PTPRK: variants seen among roughly 807,000 people sequenced by gnomAD.
The protein encoded by PTPRK is receptor-type tyrosine-protein phosphatase kappa.
PTPRK carries 75 observed loss-of-function variants against 178.0 expected under a neutral mutation model. That is an observed-to-expected ratio of 0.42 (90% CI 0.35 to 0.51). PTPRK has a LOEUF of 0.51. PTPRK is among the 20% of genes least tolerant of loss of function. The pLI is 0.02. For synonymous variants in PTPRK, 637 were observed against 620.6 expected (o/e 1.03, Z -0.39); for missense variants, 1,441 against 1,797.8 (o/e 0.80, Z 3.59).
chr6:128,284,165 T>C (rs1822105013), intron 3 of PTPRK, among the ~76,000 whole-genome samples: 1 of 152,192 alleles, frequency 6.6e-6, no homozygotes, highest in Non-Finnish European at 1.5e-5. Context: ...TTTGGACTTC[T>C]GTAATTCACA....
At chr6:128,399,099 A>T (rs1840703632) in intron 1 of PTPRK, among the ~76,000 whole-genome samples, 1 of 152,204 alleles carries the variant, frequency 6.6e-6, no homozygotes, top group Admixed American at 6.5e-5. Context: ...GTATTTGTTC[A>T]GTTTCCATAG....
chr6:128,278,722 TAACTA>T (rs1821190141), intron 3 of PTPRK, among the ~76,000 whole-genome samples: 2 of 152,128 alleles, frequency 1.3e-5, no homozygotes, highest in Non-Finnish European at 1.5e-5. Context: ...ATAACATAAC[TAACTA>T]ATACTTCTCA....
intron 3 of PTPRK, among the ~76,000 whole-genome samples, chr6:128,273,668 G>A (rs1820257095): frequency 6.6e-6 from 1 of 152,166 alleles, no homozygotes; most frequent in African/African-American, 2.4e-5. Flanking sequence ...CCTGGGCCAA[G>A]AGTCCTTTCA....
At position 127,977,011 on chromosome 6, in the gene PTPRK, A is replaced by G; in HGVS notation, c.3755T>C (p.Leu1252Pro). 6.2e-7 allele frequency: 1 copy of G among 1,614,094 alleles called. No homozygotes were observed. Among genetic ancestry groups the G allele is most frequent in the Non-Finnish European group, 8.5e-7 (1 of 1,179,958 alleles). ...PAAFIVTQYP[L>P]PNTVKDFWRL... ...CCAGAAGTCTTTTACAGTGTTTGGC[A>G]GAGGGTATTGTGTGACGATGAAAGC... is the stretch of plus-strand genomic sequence containing the variant. Residue 1252 changes from leucine to proline, a missense_variant, in exon 26 of 30, where the codon CTG becomes CCG. Physicochemically the swap from Leu to Pro is moderately conservative, Grantham distance 98. Coordinates refer to ENST00000368226, the MANE Select transcript of PTPRK (RefSeq NM_002844.4).
At chr6:128,217,084 C>A (rs1385536370) in intron 6 of PTPRK, among the ~76,000 whole-genome samples, 2 of 152,128 alleles carry the variant, frequency 1.3e-5, no homozygotes, top group Non-Finnish European at 2.9e-5. Flanking sequence ...GTAGCCATAG[C>A]ATATTAATCA....
At chr6:128,264,861 T>C (rs1333766154) in intron 3 of PTPRK, among the ~76,000 whole-genome samples, 2 of 152,120 alleles carry the variant, frequency 1.3e-5, no homozygotes, top group Non-Finnish European at 2.9e-5. Context: ...TGAATAAATC[T>C]CACGAGATCT....
intron 7 of PTPRK, among the ~76,000 whole-genome samples, chr6:128,173,308 T>C (rs950863893): frequency 2.0e-5 from 3 of 152,044 alleles, no homozygotes; most frequent in Non-Finnish European, 4.4e-5. Flanking sequence ...TACCAGTTTC[T>C]GCCCTTGAGC....
chr6:128,298,463 A>T, intron 3 of PTPRK, among the ~76,000 whole-genome samples: 1 of 151,168 alleles, frequency 6.6e-6, no homozygotes, highest in Non-Finnish European at 1.5e-5. Context: ...TGATGCAAAA[A>T]TCCTCAATAA....
At chr6:128,243,988 G>A (rs902528831) in intron 3 of PTPRK, among the ~76,000 whole-genome samples, 4 of 152,040 alleles carry the variant, frequency 2.6e-5, no homozygotes, top group African/African-American at 9.7e-5. Flanking sequence ...AGAAGAAAAA[G>A]GAAAGATAAA....
chr6:128,316,677 A>G (rs1404846353), intron 3 of PTPRK, among the ~76,000 whole-genome samples: 1 of 151,426 alleles, frequency 6.6e-6, no homozygotes, highest in Admixed American at 6.6e-5. Flanking sequence ...CAGGAACCAG[A>G]GAGGTCACCT....
intron 15 of PTPRK, among the ~76,000 whole-genome samples, chr6:128,002,564 GTTAA>G (rs1376910458): frequency 5.3e-5 from 8 of 151,938 alleles, no homozygotes; most frequent in Non-Finnish European, 8.8e-5. Flanking sequence ...CTGTAAAAGC[GTTAA>G]TTGTCATTAG....
intron 2 of PTPRK, among the ~76,000 whole-genome samples, chr6:128,358,464 A>G (rs1442338790): frequency 6.6e-6 from 1 of 152,232 alleles, no homozygotes; most frequent in Non-Finnish European, 1.5e-5. Flanking sequence ...AACCACAGGG[A>G]AATTTTAATA....
intron 3 of PTPRK, among the ~76,000 whole-genome samples, chr6:128,303,701 G>A (rs924430025): frequency 6.6e-6 from 1 of 152,192 alleles, no homozygotes; most frequent in Non-Finnish European, 1.5e-5. Context: ...TGTTAAAGCT[G>A]TGGAATGAAG....
chr6:128,503,352 G>A (rs1452830908), intron 1 of PTPRK, among the ~76,000 whole-genome samples: 1 of 152,140 alleles, frequency 6.6e-6, no homozygotes, highest in Non-Finnish European at 1.5e-5. Flanking sequence ...TTTGCCAATT[G>A]ATGGCCTGAT....
At chr6:128,026,667 T>C (rs990642384) in intron 13 of PTPRK, among the ~76,000 whole-genome samples, 2 of 152,220 alleles carry the variant, frequency 1.3e-5, no homozygotes, top group Non-Finnish European at 2.9e-5. Flanking sequence ...ACATATTATA[T>C]ATTTGACAAG....
chr6:128,315,129 C>G (rs964148108), intron 3 of PTPRK, among the ~76,000 whole-genome samples: 2 of 152,002 alleles, frequency 1.3e-5, no homozygotes, highest in Non-Finnish European at 2.9e-5. Flanking sequence ...AGTTTACAAC[C>G]AAACCAAAAG....
At chr6:128,209,483 TG>T (rs1332853283) in intron 6 of PTPRK, among the ~76,000 whole-genome samples, 1 of 152,180 alleles carries the variant, frequency 6.6e-6, no homozygotes, top group Non-Finnish European at 1.5e-5. Flanking sequence ...AAGAGTCCGA[TG>T]GAACTTCCCA....
intron 15 of PTPRK, among the ~76,000 whole-genome samples, chr6:128,002,519 T>C (rs1275597528): frequency 6.6e-6 from 1 of 151,866 alleles, no homozygotes; most frequent in African/African-American, 2.4e-5. Context: ...TTCTTAAATA[T>C]ATAGGTAGGT....
At chr6:128,252,397 T>C (rs1562873469) in intron 3 of PTPRK, among the ~76,000 whole-genome samples, 1 of 152,230 alleles carries the variant, frequency 6.6e-6, no homozygotes, top group African/African-American at 2.4e-5. Context: ...CGATTATCAA[T>C]GGTGTTTTTA....
Sources: allele counts gnomAD v4.1 joint callset (sites outside exome capture counted in the v4.1 genomes callset), GRCh38; gene constraint gnomAD v4.1.1; transcripts MANE v1.5; gene names NCBI Gene and HGNC (gene_info 2026-07-23, HGNC 2026-07-21).